FXYD2: variants seen among roughly 807,000 people sequenced by gnomAD.
FXYD2 encodes the protein sodium/potassium-transporting ATPase subunit gamma.
Under a neutral mutation model 11.8 loss-of-function variants are expected in FXYD2, and 8 were observed. That is an observed-to-expected ratio of 0.68 (90% CI 0.40 to 1.22). The LOEUF is 1.22. Ranked by LOEUF, FXYD2 falls within the 50% of genes most tolerant of loss-of-function variation. The pLI, the probability that FXYD2 is intolerant of heterozygous loss-of-function variation, is 0.01. For synonymous variants in FXYD2, 42 were observed against 33.3 expected (o/e 1.26, Z -0.90); for missense variants, 92 against 91.8 (o/e 1.00, Z -0.01).
intron 4 of FXYD2, 31 bp from the exon 5 acceptor site, chr11:117,820,727 A>G: frequency 6.2e-7 from 1 of 1,613,324 alleles, no homozygotes; most frequent in Admixed American, 1.7e-5. Context: ...AACAGGTGAG[A>G]GGGCAGGGGG....
upstream of FXYD2, chr11:117,824,816 C>G: frequency 8.7e-7 from 1 of 1,146,586 alleles, no homozygotes; most frequent in Non-Finnish European, 1.3e-6. The surrounding 1 kb of genome is among the most constrained non-coding windows in gnomAD (Gnocchi z 4.0). Context: ...AATATTTACC[C>G]TGGTCACAAG....
In FXYD2 at chr11:117,822,512, G is replaced by T; in HGVS notation, c.65-32C>A. 6.4e-7 allele frequency: 1 copy of T among 1,556,512 alleles called. No individual in the cohort carries two copies. Among genetic ancestry groups the T allele is most frequent in the Non-Finnish European group, 8.7e-7 (1 of 1,149,382 alleles). On this transcript the variant is annotated intron_variant, in intron 2 of 5. Coordinates refer to ENST00000292079, the MANE Select transcript of FXYD2 (RefSeq NM_001680.5). The surrounding 1 kb of genome is among the most constrained non-coding windows in gnomAD (Gnocchi z 4.7). ...AAAGAGAGGGCAAGAGGAGCGGGAT[G>T]GGTGGTCTCTCCCAGCAGCTGTCTC...
At position 117,821,327 on chromosome 11, in the gene FXYD2, C is replaced by CCGG. The variant is rs2055897518; in HGVS notation, c.140-435_140-433dup. Reference sequence around the variant, plus strand: ...CCTCCTGCCTTGGCCTCCTAATATGCCGGCATTACAGGCATGAGCCACCAC... The same window carrying CCGG: ...CCTCCTGCCTTGGCCTCCTAATATGCCGGCGGCATTACAGGCATGAGCCACCAC... On this transcript the variant is annotated intron_variant, in intron 3 of 5. Coordinates refer to ENST00000292079, the MANE Select transcript of FXYD2 (RefSeq NM_001680.5). The CCGG allele has an allele frequency of 1.7e-5, 17 of 984,966 alleles. No individual in the cohort carries two copies. In the South Asian group the frequency reaches 7.9e-4, roughly 46 times the overall value. The allele number at this position is 984,966 out of a possible 1,614,324, so 61.0% of individuals were successfully genotyped here.
rs765679681 is a variant in FXYD2 at position 117,822,611 on chromosome 11, G to A, written c.64+68C>T. On this transcript the variant is annotated intron_variant, in intron 2 of 5. Transcript: ENST00000292079. This position sits in a 1 kb window ranked among gnomAD's most constrained non-coding sequence, Gnocchi z 4.7. ...GGCACAGAGCATGGACCTGGGGCTGGGAGAGGCCGCTGCTTGGTGGAAGGG... is the reference window on the plus strand; with the variant it reads ...GGCACAGAGCATGGACCTGGGGCTGAGAGAGGCCGCTGCTTGGTGGAAGGG... The A allele has an allele frequency of 3.2e-6, 5 of 1,586,214 alleles. No homozygotes were observed. In the East Asian group the frequency reaches 1.1e-4, roughly 36 times the overall value.
rs1022584295 is a variant in FXYD2 at position 117,824,718 on chromosome 11, G to T, written c.-40C>A. The T allele has an allele frequency of 6.2e-7, 1 of 1,612,324 alleles. No individual in the cohort carries two copies. The highest frequency in any genetic ancestry group is 8.5e-7 in the Non-Finnish European group (1 of 1,179,314). On this transcript the variant is annotated 5_prime_UTR_variant, in exon 1 of 6. Transcript: ENST00000292079. The surrounding 1 kb of genome is among the most constrained non-coding windows in gnomAD (Gnocchi z 4.0). ...GGGCTGCCTCCACTCCCCTCTTCCT[G>T]CTGTCTCTGCTTTTTGGAGAGTGTC...
In FXYD2 at chr11:117,822,536, T is replaced by TCTCTCC; in HGVS notation, c.65-62_65-57dup. 6.4e-7 allele frequency: 1 copy of TCTCTCC among 1,555,904 alleles called. No individual in the cohort carries two copies. Among genetic ancestry groups the TCTCTCC allele is most frequent in the African/African-American group, 1.4e-5 (1 of 73,628 alleles). On this transcript the variant is annotated intron_variant, in intron 2 of 5. Coordinates refer to ENST00000292079, the MANE Select transcript of FXYD2 (RefSeq NM_001680.5). The surrounding 1 kb of genome is among the most constrained non-coding windows in gnomAD (Gnocchi z 4.7). Reference sequence around the variant, plus strand: ...TGGGTGGTCTCTCCCAGCAGCTGTCTCTCTCCGCAGCCTGCCCGCAGCAGC... The same window carrying TCTCTCC: ...TGGGTGGTCTCTCCCAGCAGCTGTCTCTCTCCCTCTCCGCAGCCTGCCCGCAGCAGC...
At chr11:117,827,849 A>C, upstream of FXYD2, 3 of 713,312 alleles carry the variant, frequency 4.2e-6, no homozygotes, top group Non-Finnish European at 7.8e-6. Flanking sequence ...CTCCGTATGG[A>C]GATGCTCTTT....
At chr11:117,821,188 C>G (rs1358592371) in intron 3 of FXYD2, 22 of 385,202 alleles carry the variant, frequency 5.7e-5, no homozygotes, top group Non-Finnish European at 3.2e-5. Flanking sequence ...TCCCAAGTAG[C>G]TGGGACTATA....
upstream of FXYD2, among the ~76,000 whole-genome samples, chr11:117,826,806 A>G (rs1207771546): frequency 6.9e-6 from 1 of 144,844 alleles, no homozygotes; most frequent in African/African-American, 2.5e-5. Flanking sequence ...CTATCTATCT[A>G]TCTATCTATC....
chr11:117,821,004 G>T, intron 3 of FXYD2, 109 bp from the exon 4 acceptor site: 1 of 1,500,490 alleles, frequency 6.7e-7, no homozygotes, highest in Non-Finnish European at 9.3e-7. Context: ...CAGTATCATC[G>T]CAGGGTCAGG....
chr11:117,827,730 A>T (rs768975278), upstream of FXYD2, among the ~76,000 whole-genome samples: 36 of 152,308 alleles, frequency 2.4e-4, no homozygotes, highest in Admixed American at 3.9e-4. Context: ...GAGTTCCTGC[A>T]TCTCTAAGGG....
chr11:117,824,755 A>C (rs1591536845), upstream of FXYD2: 1 of 1,586,084 alleles, frequency 6.3e-7, no homozygotes, highest in Non-Finnish European at 8.6e-7. The surrounding 1 kb of genome is among the most constrained non-coding windows in gnomAD (Gnocchi z 4.0). Flanking sequence ...GGCTGCCTCC[A>C]CGGGGTGGCC....
chr11:117,826,770 G>GTCTGTCTA (rs1555040268), upstream of FXYD2, among the ~76,000 whole-genome samples: 225 of 134,462 alleles, frequency 1.7e-3, 2 homozygotes, highest in Non-Finnish European at 2.8e-3. Flanking sequence ...CTGTCTGTCT[G>GTCTGTCTA]TCTGTCTGTC....
rs1293150741 is a variant in FXYD2 at position 117,824,358 on chromosome 11, A to T, written c.25+296T>A. ...GCCCAAGTTCAGACGGTCTAGCAAGATGCATTGAACTCAGGGCGGGTGTGT... is the reference window on the plus strand; with the variant it reads ...GCCCAAGTTCAGACGGTCTAGCAAGTTGCATTGAACTCAGGGCGGGTGTGT... On this transcript the variant is annotated intron_variant, in intron 1 of 5. Transcript: ENST00000292079. This position sits in a 1 kb window ranked among gnomAD's most constrained non-coding sequence, Gnocchi z 4.0. 3.6e-6 allele frequency: 2 copies of T among 548,898 alleles called. No individual in the cohort carries two copies. Among genetic ancestry groups the T allele is most frequent in the African/African-American group, 3.8e-5 (2 of 52,706 alleles). 34.0% of individuals were successfully genotyped at this position (548,898 alleles called of 1,614,324 possible).
chr11:117,820,581 C>G (rs1232499036), intron 5 of FXYD2, 85 bp downstream of exon 5: 4 of 1,557,442 alleles, frequency 2.6e-6, no homozygotes, highest in Non-Finnish European at 3.5e-6. Context: ...TTCTTATTTA[C>G]CGAGTCCAGG....
chr11:117,824,851 G>C (rs1365329859), upstream of FXYD2: 3 of 814,930 alleles, frequency 3.7e-6, no homozygotes, highest in Non-Finnish European at 6.1e-6. This position sits in a 1 kb window ranked among gnomAD's most constrained non-coding sequence, Gnocchi z 4.0. Context: ...GGATGGAGGG[G>C]CTCCTTCTGC....
rs767744240 is a variant in FXYD2 at position 117,824,627 on chromosome 11, C to A, written c.25+27G>T. ...TCAGAGCCACCCAGCATTGCACACG[C>A]CCGGGCACGCACACCAGCACACTCA... is the stretch of plus-strand genomic sequence containing the variant. On this transcript the variant is annotated intron_variant, in intron 1 of 5. Transcript: ENST00000292079. This position sits in a 1 kb window ranked among gnomAD's most constrained non-coding sequence, Gnocchi z 4.0. The A allele has an allele frequency of 1.4e-5, 23 of 1,600,270 alleles. No individual in the cohort carries two copies. The highest frequency in any genetic ancestry group is 2.0e-5 in the Non-Finnish European group (23 of 1,167,510).
intron 1 of FXYD2, among the ~76,000 whole-genome samples, chr11:117,823,134 C>T (rs1045547200): frequency 6.6e-6 from 1 of 152,162 alleles, no homozygotes; most frequent in Non-Finnish European, 1.5e-5. Flanking sequence ...TAAAACAGAA[C>T]CTTAAAGTTT....
At chr11:117,827,129 TAGATAG>T (rs2056061802), upstream of FXYD2, among the ~76,000 whole-genome samples, 2 of 144,320 alleles carry the variant, frequency 1.4e-5, no homozygotes, top group Admixed American at 1.4e-4. Context: ...GATAGATAGA[TAGATAG>T]ATATGGATGA....
Sources: gnomAD v4.1 joint callset for allele counts (sites outside exome capture counted in the v4.1 genomes callset) on GRCh38, gnomAD v4.1.1 for gene constraint, Gnocchi (gnomAD v3.1) non-coding constraint, MANE v1.5 for transcripts, NCBI Gene and HGNC (gene_info 2026-07-23, HGNC 2026-07-21) for gene names.